PTPRD: variants seen among roughly 807,000 people sequenced by gnomAD.
PTPRD encodes protein tyrosine phosphatase receptor type D, also known as receptor-type tyrosine-protein phosphatase delta.
A neutral mutation model predicts 214.5 loss-of-function variants in PTPRD; 34 were observed. That is an observed-to-expected ratio of 0.16 (90% CI 0.12 to 0.21). The LOEUF (loss-of-function observed/expected upper bound fraction) is 0.21. Among genes scored for constraint, PTPRD ranks in the 10% least tolerant of loss-of-function variants. PTPRD has a pLI of 1.00. For missense variants in PTPRD, 2,545 were observed against 2,398.7 expected, an observed-to-expected ratio of 1.06 and a Z score of -1.27; for synonymous variants, 1,128 against 845.7, an observed-to-expected ratio of 1.33 and a Z score of -5.79.
At chr9:8,671,218 AT>A (rs1420526888) in intron 12 of PTPRD, among the ~76,000 whole-genome samples, 2 of 152,192 alleles carry the variant, frequency 1.3e-5, no homozygotes, top group African/African-American at 4.8e-5. Context: ...CAGAAAAATG[AT>A]GCGATACTTC....
At chr9:10,520,664 A>C (rs1477749816) in intron 2 of PTPRD, among the ~76,000 whole-genome samples, 5 of 152,164 alleles carry the variant, frequency 3.3e-5, no homozygotes, top group Non-Finnish European at 7.4e-5. Context: ...TTCCAAGGAC[A>C]GGTTGACTCT....
At chr9:9,202,830 T>A (rs931791024) in intron 9 of PTPRD, among the ~76,000 whole-genome samples, 1 of 152,202 alleles carries the variant, frequency 6.6e-6, no homozygotes, top group South Asian at 2.1e-4. Flanking sequence ...GCTTTCTTAT[T>A]TCATTTACTT....
At chr9:9,907,653 A>G (rs139135016) in intron 5 of PTPRD, among the ~76,000 whole-genome samples, 64 of 152,098 alleles carry the variant, frequency 4.2e-4, no homozygotes, top group African/African-American at 1.5e-3. Flanking sequence ...TTAGGGCTTC[A>G]ACATATGAAT....
chr9:8,440,092 A>T (rs2095497635), intron 34 of PTPRD, among the ~76,000 whole-genome samples: 1 of 151,344 alleles, frequency 6.6e-6, no homozygotes, highest in Admixed American at 6.6e-5. Context: ...CTATAACTCC[A>T]TTTATTCCTT....
At chr9:8,578,857 C>G (rs1354823840) in intron 14 of PTPRD, among the ~76,000 whole-genome samples, 1 of 152,214 alleles carries the variant, frequency 6.6e-6, no homozygotes, top group African/African-American at 2.4e-5. Flanking sequence ...CTTCAAATTA[C>G]ATGAAATTAG....
intron 10 of PTPRD, among the ~76,000 whole-genome samples, chr9:9,055,329 G>C (rs1447719548): frequency 1.3e-5 from 2 of 152,122 alleles, no homozygotes; most frequent in Non-Finnish European, 2.9e-5. Flanking sequence ...AACCATGTGA[G>C]GTAATGAATA....
intron 7 of PTPRD, among the ~76,000 whole-genome samples, chr9:9,678,685 A>T (rs1390658410): frequency 6.6e-6 from 1 of 151,906 alleles, no homozygotes; most frequent in African/African-American, 2.4e-5. Flanking sequence ...CTTATAGAAC[A>T]ATTAGAAGAA....
At chr9:10,354,242 A>C (rs1000951889) in intron 2 of PTPRD, among the ~76,000 whole-genome samples, 2 of 152,156 alleles carry the variant, frequency 1.3e-5, no homozygotes, top group African/African-American at 4.8e-5. Context: ...CAATTTGCTT[A>C]GCTTTACCTT....
intron 21 of PTPRD, among the ~76,000 whole-genome samples, chr9:8,512,875 G>C (rs900582464): frequency 6.6e-6 from 1 of 151,928 alleles, no homozygotes; most frequent in South Asian, 2.1e-4. Context: ...CATTAGGTTT[G>C]AGATTTAACT....
chr9:9,009,973 C>G (rs1375231530), intron 11 of PTPRD, among the ~76,000 whole-genome samples: 1 of 152,048 alleles, frequency 6.6e-6, no homozygotes, highest in African/African-American at 2.4e-5. Flanking sequence ...TTCTCTTAGG[C>G]CTTCCCTTTA....
intron 3 of PTPRD, among the ~76,000 whole-genome samples, chr9:10,266,479 T>G (rs1374045234): frequency 6.6e-6 from 1 of 152,200 alleles, no homozygotes; most frequent in African/African-American, 2.4e-5. Context: ...TGAATGAGAC[T>G]AATTTTGATT....
In PTPRD at chr9:9,889,285, G is replaced by C. The variant is rs550302155; in HGVS notation, c.-368+49222C>G. Among the ~76,000 whole-genome samples the C allele has an allele frequency of 4.0e-4, 61 of 152,248 alleles. 1 individual carries two copies. Among genetic ancestry groups the C allele is most frequent in the Non-Finnish European group, 6.8e-4 (46 of 68,004 alleles). On this transcript the variant is annotated intron_variant, in intron 5 of 45. Transcript: ENST00000381196. ...GTCAAGCATCCTCACCACAAAAATG[G>C]TAACTCTGTGAGGTAATGAATGTGT...
At position 9,427,823 on chromosome 9, in the gene PTPRD, G is replaced by A. The variant is rs536011967; in HGVS notation, c.-236-30341C>T. ...TATCCAGCCAAACTAAGCTTCATAC[G>A]TGAAAGAGAAATAAAATCCTTTACA... On this transcript the variant is annotated intron_variant, in intron 8 of 45. Transcript: ENST00000381196. Among the ~76,000 whole-genome samples the A allele has an allele frequency of 1.6e-3, 244 of 152,258 alleles. 1 individual carries two copies. The highest frequency in any genetic ancestry group is 2.3e-3 in the Admixed American group (35 of 15,282).
chr9:8,759,581 T>A (rs144104251), intron 11 of PTPRD, among the ~76,000 whole-genome samples: 171 of 152,070 alleles, frequency 1.1e-3, no homozygotes, highest in East Asian at 8.5e-3. Context: ...AGTATTTTAA[T>A]CTGCTGTTGG....
chr9:10,097,233 T>C (rs552545540), intron 3 of PTPRD, among the ~76,000 whole-genome samples: 132 of 149,304 alleles, frequency 8.8e-4, no homozygotes, highest in African/African-American at 3.1e-3. Flanking sequence ...TCTTTTTTGG[T>C]TCCATATGAA....
At chr9:10,209,007 A>G (rs982793488) in intron 3 of PTPRD, among the ~76,000 whole-genome samples, 7 of 152,214 alleles carry the variant, frequency 4.6e-5, no homozygotes, top group African/African-American at 1.7e-4. Flanking sequence ...TTTGAACACT[A>G]CTTGGTTTGG....
intron 4 of PTPRD, among the ~76,000 whole-genome samples, chr9:10,005,520 A>G (rs1449912727): frequency 1.3e-5 from 2 of 152,068 alleles, no homozygotes; most frequent in Non-Finnish European, 2.9e-5. Flanking sequence ...TAGCTCAAAA[A>G]TGGTTATCAG....
intron 11 of PTPRD, among the ~76,000 whole-genome samples, chr9:8,834,608 AT>A (rs754983669): frequency 2.6e-5 from 4 of 152,306 alleles, no homozygotes; most frequent in East Asian, 3.9e-4. Context: ...CTTTAAAAGC[AT>A]TATCTCATTT....
intron 5 of PTPRD, among the ~76,000 whole-genome samples, chr9:9,901,365 A>T (rs935131394): frequency 6.6e-6 from 1 of 152,204 alleles, no homozygotes; most frequent in Non-Finnish European, 1.5e-5. Flanking sequence ...CCTAGAGGCA[A>T]CATGTGGGAT....
Sources: allele counts gnomAD v4.1 joint callset (sites outside exome capture counted in the v4.1 genomes callset), GRCh38; gene constraint gnomAD v4.1.1; transcripts MANE v1.5; gene names NCBI Gene and HGNC (gene_info 2026-07-23, HGNC 2026-07-21).